LEO1: variants seen among roughly 807,000 people sequenced by gnomAD.
LEO1 encodes the protein LEO1 component of Paf1/RNA polymerase II complex.
A neutral mutation model predicts 80.4 loss-of-function variants in LEO1; 34 were observed. That is an observed-to-expected ratio of 0.42 (90% CI 0.32 to 0.56). The LOEUF is 0.56. Among genes scored for constraint, LEO1 ranks in the 20% least tolerant of loss-of-function variants. LEO1 has a pLI of 0.10. For missense variants in LEO1, 631 were observed against 814.2 expected (o/e 0.77, Z 2.74); for synonymous variants, 262 against 274.9 (o/e 0.95, Z 0.46).
chr15:51,958,607 A>G (rs2057007311), intron 6 of LEO1, 135 bp downstream of exon 6: 2 of 625,088 alleles, frequency 3.2e-6, no homozygotes, highest in South Asian at 3.8e-5. Context: ...AATAGTCAAC[A>G]AAAGCAATCA....
chr15:51,939,221 A>C (rs1401428558), intron 11 of LEO1, among the ~76,000 whole-genome samples: 1 of 152,162 alleles, frequency 6.6e-6, no homozygotes, highest in Non-Finnish European at 1.5e-5. Context: ...ATTAAAAATT[A>C]AATGGGATGA....
At chr15:51,949,103 G>GA in intron 10 of LEO1, among the ~76,000 whole-genome samples, 1 of 152,192 alleles carries the variant, frequency 6.6e-6, no homozygotes, top group Admixed American at 6.5e-5. Flanking sequence ...AGTATGTGTG[G>GA]AAAAAACGTT....
intron 11 of LEO1, among the ~76,000 whole-genome samples, chr15:51,946,000 C>T (rs1339509174): frequency 2.0e-5 from 3 of 151,508 alleles, no homozygotes; most frequent in Non-Finnish European, 4.4e-5. Context: ...CGCCACTGCA[C>T]TCCAGCCTGG....
chr15:51,951,945 T>C lies in LEO1; in HGVS notation c.1510A>G (p.Met504Val). Reference protein sequence around the residue: ...HSTDSATHRKMTLSLADRCSK... With the variant: ...HSTDSATHRKVTLSLADRCSK... Reference sequence around the variant, plus strand: ...CACCTATCTGCAAGTGACAGAGTCATCTTTCTATGTGTGGCACTGTCCGTA... The same window carrying C: ...CACCTATCTGCAAGTGACAGAGTCACCTTTCTATGTGTGGCACTGTCCGTA... The change falls in exon 9 of 12, where the codon ATG (methionine) becomes GTG (valine). Residue 504 changes from methionine (M) to valine (V), a missense_variant. This residue lies in a region of LEO1 where 25 missense variants were observed against 83.5 expected (regional missense o/e 0.30). Coordinates refer to ENST00000299601, the MANE Select transcript of LEO1 (RefSeq NM_138792.4). 6.2e-7 allele frequency: 1 copy of C among 1,613,762 alleles called. No individual in the cohort carries two copies. Among genetic ancestry groups the C allele is most frequent in the Non-Finnish European group, 8.5e-7 (1 of 1,179,654 alleles).
intron 10 of LEO1, among the ~76,000 whole-genome samples, chr15:51,948,011 T>G (rs2056916697): frequency 6.6e-6 from 1 of 152,190 alleles, no homozygotes; most frequent in African/African-American, 2.4e-5. Flanking sequence ...GAGACATTCT[T>G]CCACCAGTAA....
At chr15:51,969,672 T>A (rs2057106778) in intron 1 of LEO1, among the ~76,000 whole-genome samples, 1 of 151,826 alleles carries the variant, frequency 6.6e-6, no homozygotes, top group African/African-American at 2.4e-5. Flanking sequence ...CAAAACCTCA[T>A]CTCTACTTAA....
At chr15:51,963,373 A>G (rs1308869596) in intron 2 of LEO1, among the ~76,000 whole-genome samples, 4 of 152,168 alleles carry the variant, frequency 2.6e-5, no homozygotes, top group Non-Finnish European at 1.5e-5. Context: ...AATTTCAGGG[A>G]AAAAAAGGTA....
chr15:51,942,458 C>T (rs2056861399), intron 11 of LEO1, among the ~76,000 whole-genome samples: 1 of 151,832 alleles, frequency 6.6e-6, no homozygotes, highest in African/African-American at 2.4e-5. Context: ...TAGGAATAAA[C>T]AAACAGAAGT....
At chr15:51,958,514 C>G (rs2570272) in intron 6 of LEO1, among the ~76,000 whole-genome samples, 3 of 152,080 alleles carry the variant, frequency 2.0e-5, no homozygotes, top group African/African-American at 7.2e-5. Context: ...AGATTAGAGG[C>G]CCTCCTTTGA....
chr15:51,953,933 TTTTC>T (rs2056968114), intron 7 of LEO1, among the ~76,000 whole-genome samples: 1 of 150,878 alleles, frequency 6.6e-6, no homozygotes, highest in Admixed American at 6.6e-5. Flanking sequence ...CTATGAAATT[TTTTC>T]TTTTTTTTTT....
At position 51,958,953 on chromosome 15, in the gene LEO1, T is replaced by C. The variant is rs2057009833; in HGVS notation, c.1161-127A>G. 5.7e-6 allele frequency: 3 copies of C among 526,144 alleles called. No individual in the cohort carries two copies. The East Asian group carries it at 1.0e-4, about 18-fold the overall frequency. 32.6% of individuals were successfully genotyped at this position (526,144 alleles called of 1,614,324 possible). A position where few individuals can be genotyped will look rare whatever the true frequency, so the allele number is the denominator to read the frequency against. ...CATAATATAATTTTAAAAATCATAA[T>C]GATCAATATCTTCATGCTTAACTTC... On this transcript the variant is annotated intron_variant, in intron 5 of 11. Transcript: ENST00000299601.
chr15:51,960,506 A>G, intron 4 of LEO1, 133 bp downstream of exon 4: 1 of 617,356 alleles, frequency 1.6e-6, no homozygotes, highest in Non-Finnish European at 2.9e-6. Flanking sequence ...TACATAATGA[A>G]GAAAGTCATC....
intron 2 of LEO1, 50 bp from the exon 3 acceptor site, chr15:51,962,543 T>C: frequency 1.5e-6 from 2 of 1,348,702 alleles, no homozygotes; most frequent in Non-Finnish European, 2.1e-6. Context: ...ATTAGTTGAA[T>C]TTTGTGTTTT....
At chr15:51,961,660 C>T (rs1298842389) in intron 3 of LEO1, among the ~76,000 whole-genome samples, 2 of 151,688 alleles carry the variant, frequency 1.3e-5, no homozygotes, top group South Asian at 2.1e-4. Context: ...TCCCAAAGTG[C>T]TGGGATTACA....
intron 5 of LEO1, among the ~76,000 whole-genome samples, 199 bp from the exon 6 acceptor site, chr15:51,959,025 C>T (rs2057010555): frequency 6.7e-6 from 1 of 149,218 alleles, no homozygotes; most frequent in Non-Finnish European, 1.5e-5. Flanking sequence ...TTTTTGAGAC[C>T]GAGCTTTGCT....
At chr15:51,949,780 T>A (rs749059447) in intron 10 of LEO1, 28 bp downstream of exon 10, 13 of 1,590,510 alleles carry the variant, frequency 8.2e-6, no homozygotes, top group Non-Finnish European at 1.1e-5. Flanking sequence ...CCCGAAATGA[T>A]GAAATGTAAT....
intron 11 of LEO1, among the ~76,000 whole-genome samples, chr15:51,943,459 T>C (rs1216791154): frequency 6.6e-6 from 1 of 151,800 alleles, no homozygotes; most frequent in Non-Finnish European, 1.5e-5. Context: ...CCCAGCACTT[T>C]GGGAGGCTGA....
intron 11 of LEO1, among the ~76,000 whole-genome samples, chr15:51,944,296 G>T (rs2141745060): frequency 6.6e-6 from 1 of 152,188 alleles, no homozygotes; most frequent in Non-Finnish European, 1.5e-5. Context: ...GGCAGAGGAT[G>T]GCATATTCAA....
chr15:51,971,505 G>C (rs555825220), intron 1 of LEO1, among the ~76,000 whole-genome samples, 183 bp downstream of exon 1: 2 of 152,162 alleles, frequency 1.3e-5, no homozygotes, highest in East Asian at 3.8e-4. Context: ...TCGAGGCGCA[G>C]ACTGTCTGAC....
Sources: gnomAD v4.1 joint callset for allele counts (sites outside exome capture counted in the v4.1 genomes callset) on GRCh38, gnomAD v4.1.1 for gene constraint, gnomAD v4.1.1 regional missense constraint, MANE v1.5 for transcripts, NCBI Gene and HGNC (gene_info 2026-07-23, HGNC 2026-07-21) for gene names.